PRKG1: variants seen among roughly 807,000 people sequenced by gnomAD.
The protein encoded by PRKG1 is protein kinase cGMP-dependent 1.
PRKG1 carries 35 observed loss-of-function variants against 88.1 expected under a neutral mutation model. That is an observed-to-expected ratio of 0.40 (90% confidence interval 0.30 to 0.53). PRKG1 has a LOEUF of 0.53. Among genes scored for constraint, PRKG1 ranks in the 20% least tolerant of loss-of-function variants. PRKG1 has a pLI of 0.59. For missense variants in PRKG1, 540 were observed against 839.8 expected, an observed-to-expected ratio of 0.64 and a Z score of 4.41; for synonymous variants, 303 against 292.5, an observed-to-expected ratio of 1.04 and a Z score of -0.37.
chr10:51,609,260 A>G (rs967901622), intron 3 of PRKG1, among the ~76,000 whole-genome samples: 1 of 152,136 alleles, frequency 6.6e-6, no homozygotes, highest in Non-Finnish European at 1.5e-5. Context: ...AGGCCTTCAC[A>G]CTCACCCACC....
At chr10:51,179,282 C>T (rs1334362145) in intron 2 of PRKG1, among the ~76,000 whole-genome samples, 1 of 152,182 alleles carries the variant, frequency 6.6e-6, no homozygotes, top group African/African-American at 2.4e-5. Context: ...AAGAAGACAT[C>T]TCCTGCATCT....
chr10:51,544,979 A>G (rs1453546738), intron 3 of PRKG1, among the ~76,000 whole-genome samples: 2 of 151,882 alleles, frequency 1.3e-5, no homozygotes, highest in Non-Finnish European at 2.9e-5. Context: ...TCAAAACCAC[A>G]ATGAGGTTTT....
intron 5 of PRKG1, among the ~76,000 whole-genome samples, chr10:52,039,574 A>T (rs562462923): frequency 4.3e-4 from 65 of 152,172 alleles, no homozygotes; most frequent in Non-Finnish European, 7.6e-4. Context: ...AAACATATTG[A>T]AATGCTACTG....
chr10:51,414,988 T>C (rs1253998502), intron 2 of PRKG1, among the ~76,000 whole-genome samples: 1 of 152,224 alleles, frequency 6.6e-6, no homozygotes, highest in African/African-American at 2.4e-5. Flanking sequence ...ATGGTAGATA[T>C]TGTTTTAAGG....
intron 2 of PRKG1, among the ~76,000 whole-genome samples, chr10:51,163,584 G>A (rs1846428615): frequency 6.6e-6 from 1 of 152,230 alleles, no homozygotes; most frequent in Admixed American, 6.5e-5. Flanking sequence ...AGCCGAAGCA[G>A]GGCGAGGCAT....
chr10:51,568,963 A>G (rs1186615334), intron 3 of PRKG1, among the ~76,000 whole-genome samples: 1 of 152,022 alleles, frequency 6.6e-6, no homozygotes, highest in Non-Finnish European at 1.5e-5. Flanking sequence ...TGGGCCGAGT[A>G]GACTAGATTA....
intron 3 of PRKG1, among the ~76,000 whole-genome samples, chr10:51,617,680 A>C (rs1025837387): frequency 6.6e-6 from 1 of 152,244 alleles, no homozygotes; most frequent in East Asian, 1.9e-4. Flanking sequence ...GCAATAGGCT[A>C]TACCATCTGT....
chr10:51,016,673 C>CTTCTTTCTTTTTTT (rs1564571435), intron 1 of PRKG1, among the ~76,000 whole-genome samples: 2 of 35,184 alleles, frequency 5.7e-5, no homozygotes, highest in African/African-American at 1.4e-4. Context: ...ATTATCCTTT[C>CTTCTTTCTTTTTTT]TTTTTTTTTT....
chr10:51,633,911 G>A (rs936263643), intron 3 of PRKG1, among the ~76,000 whole-genome samples: 1 of 152,104 alleles, frequency 6.6e-6, no homozygotes, highest in African/African-American at 2.4e-5. Flanking sequence ...AGAACAGATG[G>A]AACATTTTCT....
chr10:51,379,305 A>G (rs957991292), intron 2 of PRKG1, among the ~76,000 whole-genome samples: 2 of 152,192 alleles, frequency 1.3e-5, no homozygotes, highest in African/African-American at 4.8e-5. Context: ...TTAGTACATT[A>G]TATTTATTAC....
At chr10:51,424,583 A>G (rs1369153347) in intron 2 of PRKG1, among the ~76,000 whole-genome samples, 1 of 152,188 alleles carries the variant, frequency 6.6e-6, no homozygotes, top group African/African-American at 2.4e-5. Context: ...ACATATTCCT[A>G]TATAGGTACT....
chr10:51,039,202 A>G (rs1843389414), intron 1 of PRKG1, among the ~76,000 whole-genome samples: 2 of 152,182 alleles, frequency 1.3e-5, no homozygotes, highest in Non-Finnish European at 2.9e-5. Flanking sequence ...TCCCACCAAC[A>G]GTGTATGATG....
At chr10:51,074,326 T>G (rs1843888620), upstream of PRKG1, 3 of 673,376 alleles carry the variant, frequency 4.5e-6, no homozygotes, top group Non-Finnish European at 6.6e-6. Flanking sequence ...CGTCTCAGGT[T>G]TAATCCCGGG....
At chr10:51,902,452 T>C (rs977164580) in intron 4 of PRKG1, among the ~76,000 whole-genome samples, 1 of 152,168 alleles carries the variant, frequency 6.6e-6, no homozygotes, top group African/African-American at 2.4e-5. Flanking sequence ...ATAAGTACTA[T>C]ACACTTCTAA....
intron 3 of PRKG1, among the ~76,000 whole-genome samples, chr10:51,493,064 A>G (rs1840749673): frequency 6.6e-6 from 1 of 152,140 alleles, no homozygotes; most frequent in Admixed American, 6.6e-5. Context: ...TAGTAGTAGA[A>G]GACTTTAACA....
At chr10:51,122,233 G>T (rs1845276776) in intron 1 of PRKG1, among the ~76,000 whole-genome samples, 2 of 152,188 alleles carry the variant, frequency 1.3e-5, no homozygotes, top group Admixed American at 1.3e-4. Context: ...CATCCCACAT[G>T]TGTAGCAAAG....
intron 4 of PRKG1, among the ~76,000 whole-genome samples, chr10:51,813,220 A>G (rs956749169): frequency 2.0e-5 from 3 of 152,366 alleles, no homozygotes; most frequent in Non-Finnish European, 1.5e-5. Context: ...GCAAAAAAGC[A>G]TAAAGTAATA....
In PRKG1 at chr10:51,474,144, T is replaced by TA. The variant is rs1840128399; in HGVS notation, c.592+6308_592+6309insA. On this transcript the variant is annotated intron_variant, in intron 3 of 17. Transcript: ENST00000373980. ...TCAGAGCTTTAGGGATGGGTGTTGT[T>TA]GTTACCCCCATTTTATTGCAAAAGC... Among the ~76,000 whole-genome samples, 6 of 151,932 alleles carry TA rather than the reference T, an allele frequency of 3.9e-5. No homozygotes were observed. In the South Asian group the frequency reaches 1.2e-3, roughly 31 times the overall value.
intron 3 of PRKG1, among the ~76,000 whole-genome samples, chr10:51,602,732 A>ATGTG (rs4041278): frequency 0.016 from 2,013 of 128,706 alleles, 19 homozygotes; most frequent in African/African-American, 0.023. Flanking sequence ...ATTAATATAT[A>ATGTG]TGTGTGTGTG....
Sources: allele counts gnomAD v4.1 joint callset (sites outside exome capture counted in the v4.1 genomes callset), GRCh38; gene constraint gnomAD v4.1.1; transcripts MANE v1.5; gene names NCBI Gene and HGNC (gene_info 2026-07-23, HGNC 2026-07-21).